The following CDH18 variants were observed in gnomAD, a reference collection of about 807,000 sequenced individuals.
CDH18 encodes the protein cadherin-18.
A neutral mutation model predicts 67.9 loss-of-function variants in CDH18; 31 were observed. The observed-to-expected ratio is 0.46, with a 90% CI of 0.34 to 0.62. CDH18 has a LOEUF of 0.62. Ranked by LOEUF, CDH18 falls within the 20% of genes least tolerant of loss-of-function variation. The pLI, the probability that CDH18 is intolerant of heterozygous loss-of-function variation, is 0.01. For synonymous variants in CDH18, 362 were observed against 347.2 expected, an observed-to-expected ratio of 1.04 and a Z score of -0.48; for missense variants, 890 against 975.5, an observed-to-expected ratio of 0.91 and a Z score of 1.17.
At chr5:20,326,687 C>T (rs1369327047) in intron 1 of CDH18, among the ~76,000 whole-genome samples, 4 of 151,830 alleles carry the variant, frequency 2.6e-5, no homozygotes, top group South Asian at 4.1e-4. Context: ...TACAGGTGCC[C>T]GCCACCACAC....
chr5:20,372,202 A>G (rs1443750773), intron 1 of CDH18, among the ~76,000 whole-genome samples: 2 of 152,194 alleles, frequency 1.3e-5, no homozygotes, highest in African/African-American at 4.8e-5. Context: ...CCAAAGAGAG[A>G]GATTACTATA....
chr5:20,505,890 G>A (rs1014624283), intron 1 of CDH18, among the ~76,000 whole-genome samples: 4 of 152,232 alleles, frequency 2.6e-5, no homozygotes, highest in East Asian at 3.9e-4. Context: ...ACTCCCCCAC[G>A]AGAAAGACTC....
At chr5:20,100,075 A>G (rs1746327254) in intron 2 of CDH18, among the ~76,000 whole-genome samples, 1 of 152,128 alleles carries the variant, frequency 6.6e-6, no homozygotes, top group South Asian at 2.1e-4. Flanking sequence ...GTGAGCCACC[A>G]TGCCCGGTTT....
chr5:19,756,607 T>C (rs1053349849), intron 3 of CDH18, among the ~76,000 whole-genome samples: 4 of 152,186 alleles, frequency 2.6e-5, no homozygotes, highest in African/African-American at 9.7e-5. Context: ...ACTGATTTCA[T>C]CTTGATAGTC....
At position 19,994,855 on chromosome 5, in the gene CDH18, T is replaced by TAGAGAGAGAGAGAGAG. The variant is rs1554078420; in HGVS notation, c.-517-2857_-517-2842dup. Among the ~76,000 whole-genome samples, 82 of 67,584 alleles carry TAGAGAGAGAGAGAGAG rather than the reference T, an allele frequency of 1.2e-3. 16 individuals are homozygous for TAGAGAGAGAGAGAGAG. Among genetic ancestry groups the TAGAGAGAGAGAGAGAG allele is most frequent in the African/African-American group, 5.4e-3 (74 of 13,598 alleles). The allele number at this position is 67,584 out of a possible 152,430, so 44.3% of individuals were successfully genotyped here. ...ATATATATATATATATATATATATA[T>TAGAGAGAGAGAGAGAG]AGAGAGAGAGAGAGAGAGAGAGATG... On this transcript the variant is annotated intron_variant, in intron 2 of 14. Coordinates refer to the CDH18 transcript ENST00000507958.
chr5:19,662,285 G>A (rs1369116952), intron 5 of CDH18, among the ~76,000 whole-genome samples: 2 of 151,702 alleles, frequency 1.3e-5, no homozygotes, highest in African/African-American at 2.4e-5. Flanking sequence ...TTGATATTCC[G>A]GCATTTATTT....
At chr5:19,828,366 A>G (rs114805665) in intron 3 of CDH18, among the ~76,000 whole-genome samples, 1,565 of 141,010 alleles carry the variant, frequency 0.011, 24 homozygotes, top group African/African-American at 0.047. Context: ...AACTCAGTCT[A>G]CAAGGCCAGC....
intron 2 of CDH18, among the ~76,000 whole-genome samples, chr5:20,110,763 C>A (rs1747390601): frequency 6.6e-6 from 1 of 152,166 alleles, no homozygotes; most frequent in African/African-American, 2.4e-5. Context: ...ATATTTACAT[C>A]AACTTCACAC....
chr5:20,307,183 G>C (rs1032292959), intron 1 of CDH18, among the ~76,000 whole-genome samples: 4 of 152,114 alleles, frequency 2.6e-5, no homozygotes, highest in Non-Finnish European at 4.4e-5. Flanking sequence ...TGTGGTTGCA[G>C]AGCAAATTCA....
At chr5:20,066,619 T>C (rs933945244) in intron 2 of CDH18, among the ~76,000 whole-genome samples, 4 of 152,018 alleles carry the variant, frequency 2.6e-5, no homozygotes, top group African/African-American at 9.7e-5. Context: ...CCAATTTTGT[T>C]TTCTTTTCCA....
intron 2 of CDH18, among the ~76,000 whole-genome samples, chr5:19,929,468 T>A (rs908061425): frequency 1.3e-5 from 2 of 152,078 alleles, no homozygotes; most frequent in African/African-American, 4.8e-5. Flanking sequence ...ATACGAAATG[T>A]TGAGACGAAG....
chr5:20,530,553 GA>G (rs1161993990), intron 1 of CDH18, among the ~76,000 whole-genome samples: 1 of 151,964 alleles, frequency 6.6e-6, no homozygotes, highest in Non-Finnish European at 1.5e-5. Flanking sequence ...TAGACCAGTG[GA>G]ACAGAATAGA....
chr5:20,097,245 A>G (rs1029825142), intron 2 of CDH18, among the ~76,000 whole-genome samples: 11 of 152,066 alleles, frequency 7.2e-5, no homozygotes, highest in African/African-American at 2.4e-4. Context: ...CTGTTGTCAT[A>G]GTGCTATGAA....
At chr5:20,034,781 T>G (rs754754527) in intron 2 of CDH18, among the ~76,000 whole-genome samples, 12 of 152,002 alleles carry the variant, frequency 7.9e-5, no homozygotes, top group Non-Finnish European at 1.6e-4. Context: ...TTACTTACAA[T>G]AGATCTCTCT....
chr5:19,616,072 T>C (rs531423471), intron 5 of CDH18, among the ~76,000 whole-genome samples: 1 of 152,196 alleles, frequency 6.6e-6, no homozygotes, highest in Non-Finnish European at 1.5e-5. Flanking sequence ...CTGGATTGTA[T>C]AATGAATTTA....
At chr5:20,375,821 C>A (rs1301132307) in intron 1 of CDH18, among the ~76,000 whole-genome samples, 1 of 152,026 alleles carries the variant, frequency 6.6e-6, no homozygotes, top group African/African-American at 2.4e-5. Flanking sequence ...AAGTATTCTG[C>A]ATTGAGATTC....
intron 2 of CDH18, among the ~76,000 whole-genome samples, chr5:20,014,343 T>G (rs991968538): frequency 1.3e-5 from 2 of 152,078 alleles, no homozygotes; most frequent in African/African-American, 4.8e-5. Context: ...TAAGTATTAC[T>G]GTGATGGGAT....
At chr5:20,234,258 C>T (rs1361274080) in intron 2 of CDH18, among the ~76,000 whole-genome samples, 1 of 152,076 alleles carries the variant, frequency 6.6e-6, no homozygotes, top group Non-Finnish European at 1.5e-5. Flanking sequence ...TATTCATTTT[C>T]TCTTGAATAT....
At chr5:20,240,495 T>C (rs1742816131) in intron 2 of CDH18, among the ~76,000 whole-genome samples, 1 of 152,228 alleles carries the variant, frequency 6.6e-6, no homozygotes, top group African/African-American at 2.4e-5. Context: ...ACTAATTCTA[T>C]ACATACCTCA....
Sources: allele counts gnomAD v4.1 joint callset (sites outside exome capture counted in the v4.1 genomes callset), GRCh38; gene constraint gnomAD v4.1.1; transcripts MANE v1.5; gene names NCBI Gene and HGNC (gene_info 2026-07-23, HGNC 2026-07-21).